Variants in SLC13A4 observed in about 807,000 individuals in gnomAD.
The protein encoded by SLC13A4 is solute carrier family 13 member 4.
A neutral mutation model predicts 72.7 loss-of-function variants in SLC13A4; 28 were observed. That is an observed-to-expected ratio of 0.39 (90% confidence interval 0.29 to 0.53). The LOEUF is 0.53. Among genes scored for constraint, SLC13A4 ranks in the 20% least tolerant of loss-of-function variants. The pLI is 0.78. For synonymous variants in SLC13A4, 312 were observed against 325.5 expected, an observed-to-expected ratio of 0.96 and a Z score of 0.45; for missense variants, 653 against 788.0, an observed-to-expected ratio of 0.83 and a Z score of 2.05.
At chr7:135,698,418 T>C (rs1393804078) in intron 8 of SLC13A4, among the ~76,000 whole-genome samples, 4 of 145,848 alleles carry the variant, frequency 2.7e-5, no homozygotes, top group African/African-American at 7.7e-5. Flanking sequence ...CACTGCAACC[T>C]CTGTCTCCTG....
chr7:135,727,265 T>G, intron 1 of SLC13A4, 133 bp downstream of exon 1: 1 of 1,188,712 alleles, frequency 8.4e-7, no homozygotes, highest in South Asian at 1.6e-5. Context: ...TCTGGAAAAA[T>G]CCTTCCATTT....
chr7:135,692,877 G>A (rs149632016), intron 10 of SLC13A4: 5,389 of 157,492 alleles, frequency 0.034, 322 homozygotes, highest in African/African-American at 0.12. Context: ...CGAGGTGGGC[G>A]GATCATGAGG....
chr7:135,692,444 G>A lies in SLC13A4; in HGVS notation c.1122-20C>T. 1 of 1,553,730 alleles carries A rather than the reference G, an allele frequency of 6.4e-7. No individual in the cohort carries two copies. The highest frequency in any genetic ancestry group is 1.8e-5 in the Admixed American group (1 of 54,686). On this transcript the variant is annotated intron_variant, in intron 10 of 15. Transcript: ENST00000682651. Reference sequence around the variant, plus strand: ...GGGTAGCTATAAAATAAAACAGAAAGACCCACTCAGGAACTGAGAAATTTC... The same window carrying A: ...GGGTAGCTATAAAATAAAACAGAAAAACCCACTCAGGAACTGAGAAATTTC...
rs1796074982 is a variant in SLC13A4, at chr7:135,702,943, G to A, written c.594-59C>T. Reference sequence around the variant, plus strand: ...AGTGAGGCCGACTCTTGGGAGGGGAGGTCCCCCTGCATCAGGCGTTTGGTG... The same window carrying A: ...AGTGAGGCCGACTCTTGGGAGGGGAAGTCCCCCTGCATCAGGCGTTTGGTG... On this transcript the variant is annotated intron_variant, in intron 5 of 15. Transcript: ENST00000682651. 1.0e-5 allele frequency: 13 copies of A among 1,297,892 alleles called. No individual in the cohort carries two copies. In the South Asian group the frequency reaches 1.4e-4, roughly 14 times the overall value. 80.4% of individuals were successfully genotyped at this position (1,297,892 alleles called of 1,614,324 possible). A position where few individuals can be genotyped will look rare whatever the true frequency, so the allele number is the denominator to read the frequency against.
rs1491036239 is a variant in SLC13A4 at position 135,719,844 on chromosome 7, C to CAT, written c.228+1549_228+1550dup. ...GTGTGTGTGTATAGCCACACACACGCATATATATATGTGTGTACAGATAGA... is the reference window on the plus strand; with the variant it reads ...GTGTGTGTGTATAGCCACACACACGCATATATATATATGTGTGTACAGATAGA... On this transcript the variant is annotated intron_variant, in intron 2 of 15. Transcript: ENST00000682651. 3.0e-5 allele frequency among the ~76,000 whole-genome samples: 4 copies of CAT among 135,342 alleles called. No homozygotes were observed. The South Asian group carries it at 7.5e-4, about 25-fold the overall frequency. The allele number at this position is 135,342 out of a possible 152,430, so 88.8% of individuals were successfully genotyped here.
chr7:135,726,585 AAG>A, intron 1 of SLC13A4, among the ~76,000 whole-genome samples: 1 of 141,656 alleles, frequency 7.1e-6, no homozygotes, highest in South Asian at 2.3e-4. Flanking sequence ...AAGGGAAGGG[AAG>A]CAGGTGACCA....
At chr7:135,714,953 A>T (rs1319201380) in intron 2 of SLC13A4, among the ~76,000 whole-genome samples, 1 of 151,296 alleles carries the variant, frequency 6.6e-6, no homozygotes, top group African/African-American at 2.4e-5. Context: ...CCCAGGTGAG[A>T]GTGTGTGTGA....
chr7:135,692,315 T>C lies in SLC13A4; in HGVS notation c.1223+8A>G, dbSNP rs1227943176. The C allele has an allele frequency of 1.3e-5, 20 of 1,596,526 alleles. No individual in the cohort carries two copies. The highest frequency in any genetic ancestry group is 1.7e-4 in the Middle Eastern group (1 of 6,050). Reference sequence around the variant, plus strand: ...GGTTGTTCTTAAGGAGGAAATGATATCACTTACTTTTCAAAGAAAGAATCC... The same window carrying C: ...GGTTGTTCTTAAGGAGGAAATGATACCACTTACTTTTCAAAGAAAGAATCC... On this transcript the variant is annotated splice_region_variant and intron_variant, in intron 11 of 15. Coordinates refer to ENST00000682651, the MANE Select transcript of SLC13A4 (RefSeq NM_001318192.2).
Position 135,727,410 on chromosome 7 carries a change from G to A in SLC13A4, c.87C>T (p.Leu29=), listed in dbSNP as rs1796688100. 1 of 1,549,438 alleles carries A rather than the reference G, an allele frequency of 6.5e-7. No homozygotes were observed. Among genetic ancestry groups the A allele is most frequent in the African/African-American group, 1.4e-5 (1 of 72,976 alleles). ...VPLLLLPLPV[L]HPSSEASCAY... is the part of the protein sequence containing the mutation. ...GGTCGGTACTCACGCTGCTGGGGTGGAGGACGGGCAGAGGCAGCAGCAGGA... is the reference window on the plus strand; with the variant it reads ...GGTCGGTACTCACGCTGCTGGGGTGAAGGACGGGCAGAGGCAGCAGCAGGA... The change falls in exon 1 of 16, where the codon CTC becomes CTT. Residue 29 remains leucine, a synonymous_variant. Coordinates refer to ENST00000682651, the MANE Select transcript of SLC13A4 (RefSeq NM_001318192.2).
intron 13 of SLC13A4, chr7:135,688,959 C>T (rs2129493896): frequency 6.6e-6 from 1 of 151,904 alleles, no homozygotes; most frequent in East Asian, 1.9e-4. Context: ...GATCTTGGCT[C>T]ACTGCAGCTT....
At chr7:135,709,213 G>A (rs968436484) in intron 2 of SLC13A4, among the ~76,000 whole-genome samples, 4 of 151,970 alleles carry the variant, frequency 2.6e-5, no homozygotes, top group Middle Eastern at 3.4e-3. Flanking sequence ...TCAGAAGCAT[G>A]AGCCAGCGCA....
At chr7:135,710,515 C>G (rs1050589718) in intron 2 of SLC13A4, among the ~76,000 whole-genome samples, 1 of 148,688 alleles carries the variant, frequency 6.7e-6, no homozygotes, top group Non-Finnish European at 1.5e-5. Flanking sequence ...GGGAATGGAG[C>G]TTAATGACAG....
At chr7:135,694,690 A>G (rs55763351) in intron 9 of SLC13A4, among the ~76,000 whole-genome samples, 2 of 152,224 alleles carry the variant, frequency 1.3e-5, no homozygotes, top group Non-Finnish European at 2.9e-5. Context: ...ACACACAAAC[A>G]TCTGCGTATA....
chr7:135,720,583 A>G (rs1468302207), intron 2 of SLC13A4, among the ~76,000 whole-genome samples: 1 of 151,512 alleles, frequency 6.6e-6, no homozygotes, highest in Non-Finnish European at 1.5e-5. Flanking sequence ...AACCAAAAAC[A>G]AAACAAAAAC....
At chr7:135,715,117 TTA>T (rs561474438) in intron 2 of SLC13A4, among the ~76,000 whole-genome samples, 37 of 148,612 alleles carry the variant, frequency 2.5e-4, no homozygotes, top group Admixed American at 1.9e-3. Flanking sequence ...GTGTATGAGT[TTA>T]TGTGTGTATG....
chr7:135,707,939 C>G, intron 3 of SLC13A4, 175 bp downstream of exon 3: 1 of 677,908 alleles, frequency 1.5e-6, no homozygotes, highest in South Asian at 2.2e-5. Context: ...TAAATCTCTA[C>G]TCCATGATCA....
At chr7:135,690,046 TG>T (rs1477815480) in intron 13 of SLC13A4, among the ~76,000 whole-genome samples, 1 of 151,708 alleles carries the variant, frequency 6.6e-6, no homozygotes, top group African/African-American at 2.4e-5. Context: ...CTGGGTGTGG[TG>T]GCGTGTGCTT....
chr7:135,710,103 T>C (rs1796264767), intron 2 of SLC13A4, among the ~76,000 whole-genome samples: 1 of 152,194 alleles, frequency 6.6e-6, no homozygotes, highest in Non-Finnish European at 1.5e-5. Flanking sequence ...AACTTCTAAT[T>C]GAAAAACCCT....
chr7:135,717,702 G>A (rs1205278358), intron 2 of SLC13A4, among the ~76,000 whole-genome samples: 2 of 152,180 alleles, frequency 1.3e-5, no homozygotes, highest in Admixed American at 6.5e-5. Flanking sequence ...AACTTTGCAT[G>A]TCAACTTGGG....
Sources: gnomAD v4.1 joint callset for allele counts (sites outside exome capture counted in the v4.1 genomes callset) on GRCh38, gnomAD v4.1.1 for gene constraint, MANE v1.5 for transcripts, NCBI Gene and HGNC (gene_info 2026-07-23, HGNC 2026-07-21) for gene names.